The following CHAF1A variants were observed in gnomAD, a reference collection of about 807,000 sequenced individuals.
The protein encoded by CHAF1A is chromatin assembly factor 1 subunit A.
In CHAF1A, 5 loss-of-function variants were observed where a neutral mutation model predicts 93.2. The observed-to-expected ratio is 0.05, with a 90% confidence interval of 0.03 to 0.11. The LOEUF (loss-of-function observed/expected upper bound fraction) is 0.11, where lower values mean the gene tolerates loss of function less well. Ranked by LOEUF, CHAF1A falls within the 10% of genes least tolerant of loss-of-function variation. The probability of loss-of-function intolerance (pLI) is 1.00; values close to 1 mark genes in which losing one functional copy is unlikely to be tolerated. For missense variants in CHAF1A, 1,102 were observed against 1,259.9 expected (o/e 0.87, Z 1.90); for synonymous variants, 504 against 510.3 (o/e 0.99, Z 0.17).
rs764628663 is a variant in CHAF1A at position 4,418,114 on chromosome 19, G to A, written c.1017+38G>A. ...CCCTGAAATAGAAAATTAACCTGCT[G>A]TGCTTTTTGCATTAAATAGTAAGCA... On this transcript the variant is annotated intron_variant, in intron 4 of 14. Transcript: ENST00000301280. 2.8e-6 allele frequency: 4 copies of A among 1,432,572 alleles called. No homozygotes were observed. In the East Asian group the frequency reaches 6.9e-5, roughly 25 times the overall value. The allele number at this position is 1,432,572 out of a possible 1,614,324, so 88.7% of individuals were successfully genotyped here.
intron 14 of CHAF1A, 100 bp downstream of exon 14, chr19:4,442,441 T>C (rs1290750934): frequency 9.9e-7 from 1 of 1,012,414 alleles, no homozygotes; most frequent in African/African-American, 1.6e-5. Context: ...AGCTCCACTG[T>C]GAGCAGCCAG....
intron 12 of CHAF1A, 90 bp from the exon 13 acceptor site, chr19:4,432,980 G>A (rs1445497906): frequency 4.7e-6 from 5 of 1,075,214 alleles, no homozygotes; most frequent in Admixed American, 2.6e-5. Context: ...AGCCTCGGTG[G>A]CAATGAGCTT....
Position 4,422,422 on chromosome 19 carries a change from T to G in CHAF1A, c.1018-144T>G, listed in dbSNP as rs1974006593. 3 of 698,034 alleles carry G rather than the reference T, an allele frequency of 4.3e-6. No individual in the cohort carries two copies. The African/African-American group carries it at 5.4e-5, about 13-fold the overall frequency. The allele number at this position is 698,034 out of a possible 1,614,324, so 43.2% of individuals were successfully genotyped here. On this transcript the variant is annotated intron_variant, in intron 4 of 14. Transcript: ENST00000301280. The surrounding 1 kb of genome is among the most constrained non-coding windows in gnomAD (Gnocchi z 4.6). ...CCTCAGCCTCCCAAAGTGCTGGAAT[T>G]ACAGGCGTGAGCCACCATGCCTAGC...
chr19:4,448,005 A>G, downstream of CHAF1A: 1 of 519,166 alleles, frequency 1.9e-6, no homozygotes. Context: ...GTGGACCTCC[A>G]GGCCTGCCCC....
chr19:4,410,336 T>C (rs1313435083), intron 3 of CHAF1A, among the ~76,000 whole-genome samples: 2 of 151,598 alleles, frequency 1.3e-5, no homozygotes, highest in African/African-American at 2.4e-5. Flanking sequence ...TGAAGATCAC[T>C]TCAAAACCAA....
At chr19:4,445,987 C>G, downstream of CHAF1A, 2 of 1,536,748 alleles carry the variant, frequency 1.3e-6, no homozygotes, top group Non-Finnish European at 8.8e-7. Flanking sequence ...GGTGTCTGTG[C>G]CGGTCCCAGG....
chr19:4,411,890 C>T (rs1359034297), intron 3 of CHAF1A, among the ~76,000 whole-genome samples: 9 of 151,940 alleles, frequency 5.9e-5, no homozygotes. Flanking sequence ...CTCAGGTGAT[C>T]CGCTTGCCTC....
In CHAF1A at chr19:4,443,035, T is replaced by C; in HGVS notation, c.*10T>C. On this transcript the variant is annotated 3_prime_UTR_variant, in exon 15 of 15. Coordinates refer to ENST00000301280, the MANE Select transcript of CHAF1A (RefSeq NM_005483.3). ...ACTGGGTGCATCCTGAGAGCAGGGG[T>C]GACGTATGTAGAATGCTTAGGGTGT... 1 of 1,538,646 alleles carries C rather than the reference T, an allele frequency of 6.5e-7. No individual in the cohort carries two copies. The highest frequency in any genetic ancestry group is 1.4e-5 in the African/African-American group (1 of 73,774).
At chr19:4,436,075 G>T (rs1428974748) in intron 13 of CHAF1A, among the ~76,000 whole-genome samples, 4 of 151,884 alleles carry the variant, frequency 2.6e-5, no homozygotes, top group Non-Finnish European at 5.9e-5. Flanking sequence ...GGAGGTGGAG[G>T]TTGCAGTGAG....
At chr19:4,405,141 A>T (rs1973656772) in intron 1 of CHAF1A, among the ~76,000 whole-genome samples, 1 of 152,058 alleles carries the variant, frequency 6.6e-6, no homozygotes, top group African/African-American at 2.4e-5. Flanking sequence ...TTACTCTCTT[A>T]GTTGGCTTTC....
At chr19:4,406,216 G>A (rs920049221) in intron 2 of CHAF1A, among the ~76,000 whole-genome samples, 3 of 151,862 alleles carry the variant, frequency 2.0e-5, no homozygotes, top group African/African-American at 7.3e-5. Flanking sequence ...TGTAGGGAGC[G>A]TAGCAGCATC....
At chr19:4,445,681 G>C, downstream of CHAF1A, 1 of 1,581,024 alleles carries the variant, frequency 6.3e-7, no homozygotes, top group East Asian at 2.3e-5. Flanking sequence ...CCGCGGCAGG[G>C]AACTCAGCGG....
rs1419014535 is a variant in CHAF1A at position 4,432,001 on chromosome 19, A to G, written c.1997A>G (p.Lys666Arg). The G allele has an allele frequency of 1.5e-5, 25 of 1,613,830 alleles. No individual in the cohort carries two copies. Among genetic ancestry groups the G allele is most frequent in the Non-Finnish European group, 2.0e-5 (24 of 1,179,824 alleles). Residue 666 changes from lysine (K) to arginine (R), a missense_variant, in exon 12 of 15, where the codon AAG becomes AGG. Transcript: ENST00000301280. ...NHKVRQKLKA[K>R]EWDEFLAKGK... ...AAGGTCCGCCAGAAACTGAAGGCCA[A>G]GGAGTGGGACGAGTTCCTGGCTAAG... is the stretch of plus-strand genomic sequence containing the variant.
chr19:4,412,238 C>T (rs1973818453), intron 3 of CHAF1A, among the ~76,000 whole-genome samples: 1 of 152,144 alleles, frequency 6.6e-6, no homozygotes, highest in Non-Finnish European at 1.5e-5. Flanking sequence ...TGATGTGAGC[C>T]ATTTAGCAAG....
intron 2 of CHAF1A, among the ~76,000 whole-genome samples, chr19:4,408,461 C>CTCTTTTTTTT: frequency 2.8e-5 from 1 of 36,012 alleles, no homozygotes; most frequent in Non-Finnish European, 4.3e-5. Flanking sequence ...CGCACCCGGC[C>CTCTTTTTTTT]TTTTTTTTTT....
chr19:4,434,650 G>A (rs1157560203), intron 13 of CHAF1A, among the ~76,000 whole-genome samples: 1 of 151,994 alleles, frequency 6.6e-6, no homozygotes, highest in Non-Finnish European at 1.5e-5. Context: ...GTGTCTGTTT[G>A]TGGCTTGATA....
intron 10 of CHAF1A, among the ~76,000 whole-genome samples, 171 bp from the exon 11 acceptor site, chr19:4,430,378 A>G (rs1380251087): frequency 1.3e-5 from 2 of 152,004 alleles, no homozygotes; most frequent in Non-Finnish European, 2.9e-5. Context: ...GAGTTTTACC[A>G]TGTTGGCCAG....
chr19:4,441,436 CG>C (rs1407895276), intron 13 of CHAF1A, among the ~76,000 whole-genome samples: 1 of 151,720 alleles, frequency 6.6e-6, no homozygotes, highest in Non-Finnish European at 1.5e-5. Context: ...GGTGAAACCC[CG>C]TCTCTACTAA....
chr19:4,423,135 C>T (rs922316819), intron 5 of CHAF1A, among the ~76,000 whole-genome samples, 200 bp from the exon 6 acceptor site: 5 of 152,176 alleles, frequency 3.3e-5, no homozygotes, highest in Admixed American at 2.0e-4. Flanking sequence ...TATATATATT[C>T]TAGTCACAGG....
Sources: gnomAD v4.1 joint callset for allele counts (sites outside exome capture counted in the v4.1 genomes callset) on GRCh38, gnomAD v4.1.1 for gene constraint, Gnocchi (gnomAD v3.1) non-coding constraint, MANE v1.5 for transcripts, NCBI Gene and HGNC (gene_info 2026-07-23, HGNC 2026-07-21) for gene names.